The following PLCH2 variants were observed in gnomAD, a reference collection of about 807,000 sequenced individuals.
PLCH2 encodes the protein phospholipase C eta 2.
Under a neutral mutation model 134.7 loss-of-function variants are expected in PLCH2, and 98 were observed. The observed-to-expected ratio is 0.73, with a 90% CI of 0.62 to 0.86. The LOEUF is 0.86. Among genes scored for constraint, PLCH2 ranks in the 40% least tolerant of loss-of-function variants. PLCH2 has a pLI of 0.00. For synonymous variants in PLCH2, 974 were observed against 827.5 expected (o/e 1.18, Z -3.04); for missense variants, 1,994 against 1,986.6 (o/e 1.00, Z -0.07).
rs1306266554 is a variant in PLCH2 at position 2,487,583 on chromosome 1, C to T, written c.1115-15C>T. 1 of 1,607,898 alleles carries T rather than the reference C, an allele frequency of 6.2e-7. No individual in the cohort carries two copies. Among genetic ancestry groups the T allele is most frequent in the Admixed American group, 1.7e-5 (1 of 59,562 alleles). The stretch of plus-strand genomic sequence containing the variant: ...GCTAGGCCCCTGGGGCTGACCAAGG[C>T]CTGCCCGCCTGCAGTGGACTGCTGG... On this transcript the variant is annotated splice_polypyrimidine_tract_variant and intron_variant, in intron 7 of 21. Coordinates refer to ENST00000378486, the MANE Select transcript of PLCH2 (RefSeq NM_014638.4).
upstream of PLCH2, among the ~76,000 whole-genome samples, chr1:2,466,456 A>G (rs1399657254): frequency 6.6e-6 from 1 of 152,098 alleles, no homozygotes; most frequent in Non-Finnish European, 1.5e-5. Context: ...CCAGGTGGTG[A>G]CTGCAGCTGC....
intron 2 of PLCH2, among the ~76,000 whole-genome samples, chr1:2,442,465 C>G (rs1639735150): frequency 6.6e-6 from 1 of 152,246 alleles, no homozygotes; most frequent in African/African-American, 2.4e-5. Flanking sequence ...TGGCTCCCAG[C>G]TTGGTGCCCA....
rs1164765947 is a variant in PLCH2, at chr1:2,448,679, G to A, written c.115+18050G>A. On this transcript the variant is annotated intron_variant, in intron 2 of 3. Transcript: ENST00000609981. The surrounding 1 kb of genome is among the most constrained non-coding windows in gnomAD (Gnocchi z 4.0). ...GCCCGAGGCAGGCCCTGGAGCTCACGCTGCTGAGGTCCCACAGGCCCCCTG... is the reference window on the plus strand; with the variant it reads ...GCCCGAGGCAGGCCCTGGAGCTCACACTGCTGAGGTCCCACAGGCCCCCTG... Among the ~76,000 whole-genome samples, 3 of 151,840 alleles carry A rather than the reference G, an allele frequency of 2.0e-5. No homozygotes were observed. Among genetic ancestry groups the A allele is most frequent in the African/African-American group, 4.8e-5 (2 of 41,310 alleles).
chr1:2,478,944 A>C, intron 2 of PLCH2: 21 of 344,144 alleles, frequency 6.1e-5, no homozygotes, highest in East Asian at 9.5e-5. Flanking sequence ...CCCCATAAAC[A>C]GAAACGACCC....
chr1:2,430,150 C>G (rs1638997951), intron 1 of PLCH2, among the ~76,000 whole-genome samples: 1 of 152,184 alleles, frequency 6.6e-6, no homozygotes, highest in Non-Finnish European at 1.5e-5. Context: ...CCACCTGACT[C>G]TTCAGACACA....
Position 2,498,921 on chromosome 1 carries a change from C to A in PLCH2, c.2434+93C>A. 1 of 1,335,972 alleles carries A rather than the reference C, an allele frequency of 7.5e-7. No individual in the cohort carries two copies. The highest frequency in any genetic ancestry group is 1.0e-6 in the Non-Finnish European group (1 of 954,626). 82.8% of individuals were successfully genotyped at this position (1,335,972 alleles called of 1,614,324 possible). A position where few individuals can be genotyped will look rare whatever the true frequency, so the allele number is the denominator to read the frequency against. On this transcript the variant is annotated intron_variant, in intron 18 of 21. Coordinates refer to ENST00000378486, the MANE Select transcript of PLCH2 (RefSeq NM_014638.4). The surrounding 1 kb of genome is among the most constrained non-coding windows in gnomAD (Gnocchi z 5.4). ...GGTGTGCCCGGGTGCCCTGCCCAGG[C>A]CTCCCTCAGTGACAGTCCTGGGCGC...
rs747697706 is a variant in PLCH2 at position 2,480,009 on chromosome 1, C to T, written c.515+32C>T. On this transcript the variant is annotated intron_variant, in intron 3 of 21. Coordinates refer to ENST00000378486, the MANE Select transcript of PLCH2 (RefSeq NM_014638.4). ...TTGGGCACCTATCGGGCAATGCAGA[C>T]CCAGGGACCGGCCCCTTGGCTGCTC... 1.2e-5 allele frequency: 19 copies of T among 1,594,744 alleles called. No individual in the cohort carries two copies. The African/African-American group carries it at 2.3e-4, about 19-fold the overall frequency.
chr1:2,478,540 G>A lies in PLCH2; in HGVS notation c.189G>A (p.Lys63=), dbSNP rs999591750. The change falls in exon 2 of 22, where the codon AAG becomes AAA. Residue 63 remains lysine, a synonymous_variant. Coordinates refer to ENST00000378486, the MANE Select transcript of PLCH2 (RefSeq NM_014638.4). ...TGGTGAAGCTGCGTGGCGGCTCCAA[G>A]GGCCTGGTCCGCTTCTACTACCTGG... The part of the protein sequence containing the change: ...MQMVKLRGGS[K]GLVRFYYLDE... 10 of 1,612,780 alleles carry A rather than the reference G, an allele frequency of 6.2e-6. No individual in the cohort carries two copies. In the African/African-American group the frequency reaches 1.2e-4, roughly 19 times the overall value.
At chr1:2,463,752 G>C (rs954138455), upstream of PLCH2, among the ~76,000 whole-genome samples, 1 of 152,214 alleles carries the variant, frequency 6.6e-6, no homozygotes, top group Admixed American at 6.5e-5. Flanking sequence ...CCGCCAGACC[G>C]CACTGAAGGT....
At chr1:2,486,683 G>T (rs566449518) in intron 5 of PLCH2, among the ~76,000 whole-genome samples, 2 of 152,352 alleles carry the variant, frequency 1.3e-5, no homozygotes, top group Admixed American at 1.3e-4. Context: ...AGCTGATGAG[G>T]TCAGAGGCCC....
chr1:2,501,930 T>G (rs1015557305), intron 20 of PLCH2, 182 bp from the exon 21 acceptor site: 5 of 546,410 alleles, frequency 9.2e-6, no homozygotes, highest in Non-Finnish European at 1.6e-5. Flanking sequence ...AGAGCTGCCC[T>G]AGGGACCCTG....
At chr1:2,488,156 G>C (rs939029704) in intron 8 of PLCH2, among the ~76,000 whole-genome samples, 1 of 152,244 alleles carries the variant, frequency 6.6e-6, no homozygotes, top group Non-Finnish European at 1.5e-5. Flanking sequence ...CATGAGGCTC[G>C]CAGGTGGGCA....
intron 11 of PLCH2, 110 bp from the exon 12 acceptor site, chr1:2,494,746 C>G: frequency 1.5e-6 from 1 of 664,410 alleles, no homozygotes; most frequent in East Asian, 3.1e-5. Flanking sequence ...AGACCTGGCT[C>G]AAGCCCACCT....
At chr1:2,423,900 C>T (rs978199937), upstream of PLCH2, among the ~76,000 whole-genome samples, 3 of 152,038 alleles carry the variant, frequency 2.0e-5, no homozygotes, top group Non-Finnish European at 4.4e-5. Flanking sequence ...ACGCTGCCTG[C>T]ACCACCAGCT....
intron 5 of PLCH2, 124 bp downstream of exon 5, chr1:2,484,742 G>T: frequency 9.4e-7 from 1 of 1,068,998 alleles, no homozygotes; most frequent in Non-Finnish European, 1.3e-6. Flanking sequence ...CCAGGCCAGG[G>T]ATGGGCTACC....
chr1:2,498,721 C>T lies in PLCH2; in HGVS notation c.2350-23C>T, dbSNP rs926068299. 8 of 1,591,420 alleles carry T rather than the reference C, an allele frequency of 5.0e-6. No individual in the cohort carries two copies. The highest frequency in any genetic ancestry group is 1.7e-5 in the Admixed American group (1 of 58,022). ...CCGGGCATCGCGATGGGCCCTGATGCCACCCCCACTCCTGTGTCCCAGATC... is the reference window on the plus strand; with the variant it reads ...CCGGGCATCGCGATGGGCCCTGATGTCACCCCCACTCCTGTGTCCCAGATC... On this transcript the variant is annotated intron_variant, in intron 17 of 21. Transcript: ENST00000378486. The surrounding 1 kb of genome is among the most constrained non-coding windows in gnomAD (Gnocchi z 5.4).
At position 2,499,040 on chromosome 1, in the gene PLCH2, C is replaced by T. The variant is rs372777617; in HGVS notation, c.2435-44C>T. The T allele has an allele frequency of 4.9e-5, 78 of 1,583,426 alleles. No individual in the cohort carries two copies. The African/African-American group carries it at 5.8e-4, about 12-fold the overall frequency. Reference sequence around the variant, plus strand: ...GCTCCAGGCTGGAGCGGTGCTGGGCCGGGCCCTCCCCATGGGACACTCCTC... The same window carrying T: ...GCTCCAGGCTGGAGCGGTGCTGGGCTGGGCCCTCCCCATGGGACACTCCTC... On this transcript the variant is annotated intron_variant, in intron 18 of 21. Transcript: ENST00000378486.
chr1:2,496,479 G>A (rs1255204880), intron 13 of PLCH2, 128 bp from the exon 14 acceptor site: 13 of 773,746 alleles, frequency 1.7e-5, no homozygotes, highest in South Asian at 8.3e-5. Context: ...TCTGGCGTCC[G>A]TCTCTGATGG....
At chr1:2,423,373 A>T (rs1176331569), upstream of PLCH2, among the ~76,000 whole-genome samples, 1 of 152,056 alleles carries the variant, frequency 6.6e-6, no homozygotes, top group African/African-American at 2.4e-5. Context: ...AAGAGATGGG[A>T]TCTTGCTCTG....
Sources: allele counts gnomAD v4.1 joint callset (sites outside exome capture counted in the v4.1 genomes callset), GRCh38; gene constraint gnomAD v4.1.1; non-coding constraint Gnocchi (gnomAD v3.1); transcripts MANE v1.5; gene names NCBI Gene and HGNC (gene_info 2026-07-23, HGNC 2026-07-21).